The following ANO6 variants were observed in gnomAD, a reference collection of about 807,000 sequenced individuals.
ANO6 encodes the protein anoctamin 6, also known as anoctamin-6.
A neutral mutation model predicts 117.5 loss-of-function variants in ANO6; 106 were observed. That is an observed-to-expected ratio of 0.90 (90% CI 0.77 to 1.06). ANO6 has a LOEUF of 1.06. Among genes scored for constraint, ANO6 ranks in the 50% least tolerant of loss-of-function variants. The pLI is 0.00. For missense variants in ANO6, 955 were observed against 1,121.1 expected, an observed-to-expected ratio of 0.85 and a Z score of 2.12; for synonymous variants, 367 against 385.1, an observed-to-expected ratio of 0.95 and a Z score of 0.55.
At chr12:45,427,614 T>TG (rs1353382487) in intron 19 of ANO6, among the ~76,000 whole-genome samples, 1 of 152,052 alleles carries the variant, frequency 6.6e-6, no homozygotes, top group African/African-American at 2.4e-5. Flanking sequence ...TCTCTCCCCT[T>TG]GCTAGGTCAG....
At chr12:45,305,117 T>C (rs929801824) in intron 2 of ANO6, among the ~76,000 whole-genome samples, 2 of 152,156 alleles carry the variant, frequency 1.3e-5, no homozygotes, top group Admixed American at 1.3e-4. Context: ...AATAGAGATG[T>C]GAACATAAGG....
In ANO6 at chr12:45,429,776, T is replaced by C. The variant is rs1015392238; in HGVS notation, c.*465T>C. ...TCATTATAGATTTAATTTAATAGCT[T>C]TCATGTGATTAAAAATAGCTAACTA... On this transcript the variant is annotated 3_prime_UTR_variant, in exon 20 of 20. Transcript: ENST00000320560. 6 of 999,312 alleles carry C rather than the reference T, an allele frequency of 6.0e-6. No individual in the cohort carries two copies. Among genetic ancestry groups the C allele is most frequent in the Middle Eastern group, 5.1e-4 (1 of 1,958 alleles). 61.9% of individuals were successfully genotyped at this position (999,312 alleles called of 1,614,324 possible).
At chr12:45,439,941 T>A in exon 20 of ANO6, 1 of 1,469,782 alleles carries the variant, frequency 6.8e-7, no homozygotes, top group Non-Finnish European at 9.0e-7. Context: ...TAAGTTAGAT[T>A]TATTCAATAA....
chr12:45,305,233 C>G (rs901173412), intron 2 of ANO6, among the ~76,000 whole-genome samples: 2 of 152,078 alleles, frequency 1.3e-5, no homozygotes, highest in African/African-American at 4.8e-5. Flanking sequence ...GGGTAAGAGT[C>G]CAGGTGAAAG....
At chr12:45,402,994 CAT>C (rs1183266790) in intron 13 of ANO6, 76 bp from the exon 14 acceptor site, 1 of 1,327,752 alleles carries the variant, frequency 7.5e-7, no homozygotes, top group African/African-American at 1.5e-5. Context: ...CGTGTTAACT[CAT>C]GTATCAGTAT....
chr12:45,295,450 G>C (rs1939256791), intron 1 of ANO6, among the ~76,000 whole-genome samples: 2 of 152,252 alleles, frequency 1.3e-5, no homozygotes, highest in Admixed American at 6.5e-5. Flanking sequence ...CAGCTGAAGT[G>C]ATGTGGGGAG....
At chr12:45,332,185 C>A (rs886248131) in intron 3 of ANO6, among the ~76,000 whole-genome samples, 17 of 151,798 alleles carry the variant, frequency 1.1e-4, no homozygotes, top group African/African-American at 4.1e-4. Flanking sequence ...TAAAACAGAC[C>A]AAAAAAGATT....
At chr12:45,375,391 A>C (rs1445652735) in intron 9 of ANO6, among the ~76,000 whole-genome samples, 11 of 152,320 alleles carry the variant, frequency 7.2e-5, no homozygotes, top group South Asian at 2.1e-4. Context: ...GAGCCCGCAT[A>C]GCCAAGTCAT....
At chr12:45,410,588 G>T (rs73281585) in intron 16 of ANO6, among the ~76,000 whole-genome samples, 4,531 of 152,146 alleles carry the variant, frequency 0.03, 104 homozygotes, top group East Asian at 0.097. Flanking sequence ...AATTTACATG[G>T]TTTTTATCTG....
chr12:45,357,083 T>C (rs1356350104), intron 7 of ANO6, among the ~76,000 whole-genome samples: 3 of 152,196 alleles, frequency 2.0e-5, no homozygotes, highest in Non-Finnish European at 4.4e-5. Flanking sequence ...AAACCAGCAA[T>C]AGTGATCAGT....
At chr12:45,402,164 G>A in intron 13 of ANO6, 144 bp downstream of exon 13, 1 of 688,154 alleles carries the variant, frequency 1.5e-6, no homozygotes, top group Non-Finnish European at 2.4e-6. Context: ...TCTCTAGCAT[G>A]TATGGAAATA....
chr12:45,218,380 C>A (rs2137113784), intron 1 of ANO6, among the ~76,000 whole-genome samples: 1 of 135,970 alleles, frequency 7.4e-6, no homozygotes, highest in East Asian at 2.2e-4. Context: ...ATTTCTGTTT[C>A]TTTCTTTCTC....
At chr12:45,333,780 TTG>T (rs1940744518) in intron 3 of ANO6, among the ~76,000 whole-genome samples, 1 of 152,048 alleles carries the variant, frequency 6.6e-6, no homozygotes, top group African/African-American at 2.4e-5. Context: ...GGAAAAACAT[TTG>T]TGAGTTCCAT....
intron 19 of ANO6, among the ~76,000 whole-genome samples, chr12:45,438,494 C>T (rs1323855184): frequency 6.6e-6 from 1 of 151,994 alleles, no homozygotes; most frequent in Non-Finnish European, 1.5e-5. Context: ...CTTGATGTGG[C>T]AGGTCACAGT....
chr12:45,330,909 T>C (rs1940640910), intron 2 of ANO6, among the ~76,000 whole-genome samples: 1 of 151,996 alleles, frequency 6.6e-6, no homozygotes, highest in Non-Finnish European at 1.5e-5. Flanking sequence ...TCAACAGTGC[T>C]TTGTCTTAGA....
chr12:45,292,326 A>G (rs1939129386), intron 1 of ANO6, among the ~76,000 whole-genome samples: 1 of 152,074 alleles, frequency 6.6e-6, no homozygotes, highest in African/African-American at 2.4e-5. Context: ...GGAAGGGGAA[A>G]TGGGGAATTC....
chr12:45,314,150 T>G (rs2137341037), intron 2 of ANO6, among the ~76,000 whole-genome samples: 1 of 152,108 alleles, frequency 6.6e-6, no homozygotes, highest in South Asian at 2.1e-4. Context: ...TCAGTTAGGG[T>G]TGTAGTTCTC....
intron 2 of ANO6, among the ~76,000 whole-genome samples, chr12:45,308,594 G>A (rs1429449902): frequency 6.6e-6 from 1 of 152,092 alleles, no homozygotes; most frequent in Non-Finnish European, 1.5e-5. Flanking sequence ...TCAGGGTTGG[G>A]TGGTTGTGTG....
intron 1 of ANO6, among the ~76,000 whole-genome samples, chr12:45,217,471 T>A (rs1296150282): frequency 6.6e-6 from 1 of 152,200 alleles, no homozygotes; most frequent in Non-Finnish European, 1.5e-5. Context: ...ATCAAAAAAA[T>A]TTGGTAACTT....
Sources: allele counts gnomAD v4.1 joint callset (sites outside exome capture counted in the v4.1 genomes callset), GRCh38; gene constraint gnomAD v4.1.1; transcripts MANE v1.5; gene names NCBI Gene and HGNC (gene_info 2026-07-23, HGNC 2026-07-21).